Variants in TBC1D19 observed in about 807,000 individuals in gnomAD.
TBC1D19 encodes TBC1 domain family, member 19.
TBC1D19 carries 60 observed loss-of-function variants against 89.0 expected under a neutral mutation model. That is an observed-to-expected ratio of 0.67 (90% CI 0.55 to 0.84). The LOEUF is 0.84. Ranked by LOEUF, TBC1D19 falls within the 40% of genes least tolerant of loss-of-function variation. The probability of loss-of-function intolerance (pLI) is 0.00; values close to 1 mark genes in which losing one functional copy is unlikely to be tolerated. For synonymous variants in TBC1D19, 189 were observed against 199.7 expected (o/e 0.95, Z 0.45); for missense variants, 500 against 610.8 (o/e 0.82, Z 1.91).
At chr4:26,581,224 A>G (rs772005719), upstream of TBC1D19, among the ~76,000 whole-genome samples, 14 of 152,134 alleles carry the variant, frequency 9.2e-5, no homozygotes, top group Non-Finnish European at 2.1e-4. Context: ...TTTATTTACT[A>G]TACTCTAAGT....
At chr4:26,850,360 A>C in the TBC1D19 span, among the ~76,000 whole-genome samples, 52,174 of 150,936 alleles carry the variant, frequency 0.35, 9,246 homozygotes, top group African/African-American at 0.44. Flanking sequence ...ACAGCCTGGG[A>C]AACATGGTGA....
chr4:26,786,799 G>GTA, the TBC1D19 span, among the ~76,000 whole-genome samples: 4 of 151,882 alleles, frequency 2.6e-5, no homozygotes, highest in Non-Finnish European at 4.4e-5. Context: ...ATGGATGGGT[G>GTA]GGTGGAAGGA....
At chr4:26,681,390 CA>C (rs1242846983) in intron 11 of TBC1D19, among the ~76,000 whole-genome samples, 139 of 142,826 alleles carry the variant, frequency 9.7e-4, no homozygotes, top group African/African-American at 1.1e-3. Context: ...ATACAAAAAA[CA>C]AAAAAAAAAA....
chr4:26,725,298 A>C (rs1373558090), intron 15 of TBC1D19, among the ~76,000 whole-genome samples: 2 of 152,214 alleles, frequency 1.3e-5, no homozygotes, highest in Non-Finnish European at 2.9e-5. Context: ...TGATTCTAAC[A>C]GTTCCTGCCA....
At chr4:26,673,440 T>TACACACACACACACACAC (rs1186152445) in intron 10 of TBC1D19, among the ~76,000 whole-genome samples, 6 of 16,586 alleles carry the variant, frequency 3.6e-4, no homozygotes, top group African/African-American at 7.7e-4. Flanking sequence ...TATATATATA[T>TACACACACACACACACAC]ATATATACAC....
At chr4:26,641,338 A>G (rs1238040544) in intron 7 of TBC1D19, among the ~76,000 whole-genome samples, 1 of 152,208 alleles carries the variant, frequency 6.6e-6, no homozygotes, top group Admixed American at 6.5e-5. Flanking sequence ...GAGGGACCTG[A>G]CTGTTAGAAG....
chr4:26,804,445 C>G, the TBC1D19 span, among the ~76,000 whole-genome samples: 2 of 152,244 alleles, frequency 1.3e-5, no homozygotes, highest in Admixed American at 1.3e-4. Context: ...ACGTGCGCTG[C>G]CCTGTCTGTG....
intron 14 of TBC1D19, 120 bp from the exon 15 acceptor site, chr4:26,719,961 T>G: frequency 6.0e-6 from 4 of 662,288 alleles, no homozygotes; most frequent in South Asian, 3.4e-5. Context: ...TATCATGAAA[T>G]GACATATCAG....
chr4:26,769,570 G>A, the TBC1D19 span, among the ~76,000 whole-genome samples: 1 of 151,330 alleles, frequency 6.6e-6, no homozygotes, highest in South Asian at 2.1e-4. Context: ...TGAGACAGGG[G>A]CTTGCTCTCA....
chr4:26,837,730 A>C, the TBC1D19 span, among the ~76,000 whole-genome samples: 1 of 152,178 alleles, frequency 6.6e-6, no homozygotes. Context: ...TGAGATCACT[A>C]AGGGCAAGAG....
At chr4:26,594,478 G>T (rs1740062950) in intron 1 of TBC1D19, among the ~76,000 whole-genome samples, 1 of 151,972 alleles carries the variant, frequency 6.6e-6, no homozygotes, top group African/African-American at 2.4e-5. Flanking sequence ...TCTGTGACTA[G>T]TGAGCCTTAT....
At chr4:26,734,977 C>CATATGTATATGTATATATGTATACAT (rs1717904973) in intron 15 of TBC1D19, among the ~76,000 whole-genome samples, 1 of 149,616 alleles carries the variant, frequency 6.7e-6, no homozygotes, top group Non-Finnish European at 1.5e-5. Context: ...TATGTATACA[C>CATATGTATATGTATATATGTATACAT]ATATGTATAT....
At chr4:26,750,399 A>G (rs1718886844) in intron 19 of TBC1D19, among the ~76,000 whole-genome samples, 1 of 152,194 alleles carries the variant, frequency 6.6e-6, no homozygotes, top group African/African-American at 2.4e-5. Context: ...AATAATTAGG[A>G]CTTTCAAAAA....
At chr4:26,724,293 AT>A (rs934229147) in intron 15 of TBC1D19, among the ~76,000 whole-genome samples, 1 of 151,700 alleles carries the variant, frequency 6.6e-6, no homozygotes, top group African/African-American at 2.4e-5. Context: ...ATTTTTTATT[AT>A]TTTTTTTCCT....
chr4:26,764,878 G>T, the TBC1D19 span, among the ~76,000 whole-genome samples: 17 of 152,166 alleles, frequency 1.1e-4, no homozygotes, highest in African/African-American at 4.1e-4. Context: ...GTCAGAATGT[G>T]ATATTTGCAT....
intron 4 of TBC1D19, among the ~76,000 whole-genome samples, chr4:26,622,432 A>G (rs1401742250): frequency 1.3e-5 from 2 of 152,066 alleles, no homozygotes; most frequent in Non-Finnish European, 2.9e-5. Flanking sequence ...TAGAGAGGTA[A>G]ATAATAAGTC....
rs542858200 is a variant in TBC1D19, at chr4:26,688,616, TCATATATGGTA to T, written c.954+213_954+223del. On this transcript the variant is annotated intron_variant, in intron 13 of 20. Transcript: ENST00000264866. ...AAGAGTTCCCAATTGTTTCTTTTTG[TCATATATGGTA>T]CATCAAGGAGGTATTATTGGCAGGT... Among the ~76,000 whole-genome samples the T allele has an allele frequency of 5.3e-3, 800 of 152,176 alleles. 6 individuals carry two copies. Among genetic ancestry groups the T allele is most frequent in the African/African-American group, 0.018 (753 of 41,550 alleles).
the TBC1D19 span, among the ~76,000 whole-genome samples, chr4:26,825,504 A>C: frequency 1.3e-5 from 2 of 152,178 alleles, no homozygotes; most frequent in Non-Finnish European, 2.9e-5. Flanking sequence ...TAATTTTTCA[A>C]CATTAAGAAA....
chr4:26,693,329 A>C (rs1479509546), intron 13 of TBC1D19, among the ~76,000 whole-genome samples: 1 of 152,208 alleles, frequency 6.6e-6, no homozygotes, highest in Non-Finnish European at 1.5e-5. Context: ...TAGATGTTGT[A>C]CTTAACCAAA....
Sources: gnomAD v4.1 joint callset for allele counts (sites outside exome capture counted in the v4.1 genomes callset) on GRCh38, gnomAD v4.1.1 for gene constraint, MANE v1.5 for transcripts, NCBI Gene and HGNC (gene_info 2026-07-23, HGNC 2026-07-21) for gene names.